Variants in SPECC1L observed in about 807,000 individuals in gnomAD.
The protein encoded by SPECC1L is sperm antigen with calponin homology and coiled-coil domains 1 like.
SPECC1L carries 40 observed loss-of-function variants against 116.8 expected under a neutral mutation model. That is an observed-to-expected ratio of 0.34 (90% CI 0.27 to 0.45). The LOEUF is 0.45. Among genes scored for constraint, SPECC1L ranks in the 20% least tolerant of loss-of-function variants. SPECC1L has a pLI of 1.00. For synonymous variants in SPECC1L, 504 were observed against 500.6 expected, an observed-to-expected ratio of 1.01 and a Z score of -0.09; for missense variants, 1,110 against 1,373.6, an observed-to-expected ratio of 0.81 and a Z score of 3.03.
chr22:24,305,643 T>A (rs541539285), intron 3 of SPECC1L, among the ~76,000 whole-genome samples: 3 of 152,356 alleles, frequency 2.0e-5, no homozygotes, highest in African/African-American at 7.2e-5. Flanking sequence ...CATTCTTATA[T>A]GTGTGTATTA....
At chr22:24,383,832 T>TTTTTTA in intron 14 of SPECC1L, among the ~76,000 whole-genome samples, 1 of 104,376 alleles carries the variant, frequency 9.6e-6, no homozygotes, top group African/African-American at 3.7e-5. Flanking sequence ...TTTTTTTTTT[T>TTTTTTA]AGTAGAGATG....
intron 2 of SPECC1L, among the ~76,000 whole-genome samples, chr22:24,283,152 C>T (rs1340001274): frequency 6.6e-6 from 1 of 152,012 alleles, no homozygotes; most frequent in Admixed American, 6.6e-5. Flanking sequence ...TACCTCGGCT[C>T]ACTGCAAGCT....
intron 2 of SPECC1L, 82 bp from the exon 3 acceptor site, chr22:24,302,113 A>G (rs2049392735): frequency 1.8e-6 from 2 of 1,087,126 alleles, no homozygotes; most frequent in Non-Finnish European, 2.7e-6. Context: ...GTTTTATCAC[A>G]TGGTAAAATT....
intron 12 of SPECC1L, among the ~76,000 whole-genome samples, chr22:24,364,729 C>T (rs575200500): frequency 9.3e-4 from 140 of 150,944 alleles, no homozygotes; most frequent in Non-Finnish European, 1.9e-3. Context: ...GCATGTCTTT[C>T]CTTTCTGTCC....
intron 14 of SPECC1L, among the ~76,000 whole-genome samples, chr22:24,394,972 A>G (rs982332025): frequency 2.0e-5 from 3 of 152,070 alleles, no homozygotes; most frequent in African/African-American, 7.2e-5. Flanking sequence ...CTGAGACTAC[A>G]GGCATGCACA....
At chr22:24,290,715 T>G (rs1167882108) in intron 2 of SPECC1L, among the ~76,000 whole-genome samples, 6 of 152,226 alleles carry the variant, frequency 3.9e-5, no homozygotes, top group Non-Finnish European at 8.8e-5. Context: ...CTTTCCCTCT[T>G]AGTAGTCCTT....
At chr22:24,365,367 C>G in intron 12 of SPECC1L, 109 bp from the exon 13 acceptor site, 1 of 1,006,914 alleles carries the variant, frequency 9.9e-7, no homozygotes, top group East Asian at 2.5e-5. Context: ...TTAGTTTTTC[C>G]TCCTGTATGG....
chr22:24,309,814 A>G (rs963503942), intron 3 of SPECC1L, among the ~76,000 whole-genome samples: 1 of 152,118 alleles, frequency 6.6e-6, no homozygotes, highest in Non-Finnish European at 1.5e-5. Context: ...AAATACAGTT[A>G]GTCTGTTTGT....
At chr22:24,329,038 A>G (rs2040884427) in intron 7 of SPECC1L, 119 bp downstream of exon 7, 1 of 795,918 alleles carries the variant, frequency 1.3e-6, no homozygotes, top group South Asian at 1.5e-5. Flanking sequence ...TACTGGCCCC[A>G]TTGGGCTTTG....
chr22:24,388,230 C>G (rs898024536), intron 14 of SPECC1L, among the ~76,000 whole-genome samples: 1 of 112,754 alleles, frequency 8.9e-6, no homozygotes, highest in Admixed American at 1.1e-4. Flanking sequence ...TATCCCTCCC[C>G]CCTCCCCCCA....
chr22:24,384,389 A>G (rs139484205), intron 14 of SPECC1L, among the ~76,000 whole-genome samples: 2 of 152,344 alleles, frequency 1.3e-5, no homozygotes, highest in African/African-American at 4.8e-5. Context: ...CCATAGGGAA[A>G]CAAAATTTCA....
chr22:24,332,044 T>G (rs1252996919), intron 8 of SPECC1L, among the ~76,000 whole-genome samples: 1 of 151,172 alleles, frequency 6.6e-6, no homozygotes, highest in African/African-American at 2.4e-5. Flanking sequence ...TTGAGCTGCT[T>G]TCTTTTTTCA....
At chr22:24,279,175 TA>T (rs1361606582) in intron 2 of SPECC1L, among the ~76,000 whole-genome samples, 1 of 152,198 alleles carries the variant, frequency 6.6e-6, no homozygotes, top group African/African-American at 2.4e-5. Context: ...TGCCTTACAG[TA>T]AAAGCTGCTT....
intron 3 of SPECC1L, among the ~76,000 whole-genome samples, chr22:24,305,464 T>C (rs1018660434): frequency 1.3e-5 from 2 of 152,232 alleles, no homozygotes; most frequent in Admixed American, 6.5e-5. Context: ...TGGTTTCTTA[T>C]CTGTACTGTT....
rs561729092 is a variant in SPECC1L, at chr22:24,277,340, C to T, written c.-38+537C>T. Among the ~76,000 whole-genome samples, 30 of 152,312 alleles carry T rather than the reference C, an allele frequency of 2.0e-4. No individual in the cohort carries two copies. The East Asian group carries it at 5.8e-3, about 29-fold the overall frequency. On this transcript the variant is annotated intron_variant, in intron 2 of 16. Transcript: ENST00000314328. The stretch of plus-strand genomic sequence containing the variant: ...TCCTCATTATCCATGTATTCATTTG[C>T]AAATAAGCGTATATTAACAAAATCA...
Position 24,330,478 on chromosome 22 carries a change from A to G in SPECC1L, c.2396+47A>G, listed in dbSNP as rs2040915867. ...GTGTACTTATGTTTCAGTAGAGAACACTTAAATCCCAATTTTTGATGTGGT... is the reference window on the plus strand; with the variant it reads ...GTGTACTTATGTTTCAGTAGAGAACGCTTAAATCCCAATTTTTGATGTGGT... On this transcript the variant is annotated intron_variant, in intron 8 of 16. Coordinates refer to ENST00000314328, the MANE Select transcript of SPECC1L (RefSeq NM_015330.6). The G allele has an allele frequency of 2.5e-6, 4 of 1,597,486 alleles. No homozygotes were observed. In the South Asian group the frequency reaches 4.4e-5, roughly 18 times the overall value.
chr22:24,363,917 G>A (rs929635044), intron 12 of SPECC1L, among the ~76,000 whole-genome samples: 1 of 148,430 alleles, frequency 6.7e-6, no homozygotes, highest in Non-Finnish European at 1.5e-5. Flanking sequence ...AAAGTGGGCG[G>A]TGGGGGTGGG....
At chr22:24,401,176 T>G (rs2042466339) in intron 14 of SPECC1L, among the ~76,000 whole-genome samples, 1 of 152,172 alleles carries the variant, frequency 6.6e-6, no homozygotes, top group African/African-American at 2.4e-5. Flanking sequence ...GGTTCTCACA[T>G]TGTGTTTGGA....
intron 4 of SPECC1L, among the ~76,000 whole-genome samples, chr22:24,316,424 G>T (rs921719507): frequency 2.7e-5 from 4 of 150,940 alleles, no homozygotes; most frequent in African/African-American, 4.9e-5. Context: ...AGGACCCTGC[G>T]GCCTTCCGCA....
Sources: allele counts gnomAD v4.1 joint callset (sites outside exome capture counted in the v4.1 genomes callset), GRCh38; gene constraint gnomAD v4.1.1; transcripts MANE v1.5; gene names NCBI Gene and HGNC (gene_info 2026-07-23, HGNC 2026-07-21).